PTGER3: variants seen among roughly 807,000 people sequenced by gnomAD.
PTGER3 encodes the protein prostaglandin E2 receptor EP3 subtype.
Under a neutral mutation model 34.7 loss-of-function variants are expected in PTGER3, and 22 were observed. That is an observed-to-expected ratio of 0.63 (90% confidence interval 0.45 to 0.91). The LOEUF (loss-of-function observed/expected upper bound fraction) is 0.91, where lower values mean the gene tolerates loss of function less well. Among genes scored for constraint, PTGER3 ranks in the 40% least tolerant of loss-of-function variants. The pLI, the probability that PTGER3 is intolerant of heterozygous loss-of-function variation, is 0.00. For missense variants in PTGER3, 468 were observed against 519.4 expected (o/e 0.90, Z 0.96); for synonymous variants, 241 against 230.1 (o/e 1.05, Z -0.43).
intron 4 of PTGER3, among the ~76,000 whole-genome samples, chr1:70,944,109 T>G (rs1164926994): frequency 2.6e-5 from 4 of 152,126 alleles, no homozygotes; most frequent in Non-Finnish European, 4.4e-5. Context: ...TTTTAATCAC[T>G]CAAGTCATTC....
chr1:70,884,048 C>A (rs1199728132), intron 4 of PTGER3: 2 of 399,324 alleles, frequency 5.0e-6, no homozygotes, highest in South Asian at 3.7e-5. Flanking sequence ...AATCACTCCA[C>A]TGCACTCCAG....
At chr1:70,895,554 T>G (rs1646706492) in intron 4 of PTGER3, among the ~76,000 whole-genome samples, 1 of 152,148 alleles carries the variant, frequency 6.6e-6, no homozygotes, top group Non-Finnish European at 1.5e-5. Context: ...AGAGCTGAAA[T>G]TCAGACTCCA....
chr1:70,869,192 C>A, intron 4 of PTGER3: 1 of 444,446 alleles, frequency 2.2e-6, no homozygotes, highest in Non-Finnish European at 4.6e-6. Context: ...TGTGTCGGGG[C>A]AGGGGTGGTA....
At chr1:70,956,282 G>A (rs1207075117) in intron 2 of PTGER3, among the ~76,000 whole-genome samples, 1 of 152,112 alleles carries the variant, frequency 6.6e-6, no homozygotes, top group Non-Finnish European at 1.5e-5. Flanking sequence ...TACCAGATTA[G>A]TATCAGCCAG....
At chr1:71,043,879 T>C (rs993441675) in intron 1 of PTGER3, among the ~76,000 whole-genome samples, 1 of 151,322 alleles carries the variant, frequency 6.6e-6, no homozygotes, top group African/African-American at 2.4e-5. Context: ...TGCAGTGGCG[T>C]GATCTCGGCT....
At chr1:70,975,350 C>T (rs1039744094) in intron 2 of PTGER3, among the ~76,000 whole-genome samples, 1 of 145,528 alleles carries the variant, frequency 6.9e-6, no homozygotes, top group Non-Finnish European at 1.5e-5. Context: ...GATGTCACAG[C>T]AGAAAAACGA....
chr1:71,003,393 A>G (rs144532585), intron 2 of PTGER3, among the ~76,000 whole-genome samples: 1 of 152,318 alleles, frequency 6.6e-6, no homozygotes, highest in East Asian at 1.9e-4. Flanking sequence ...ACATTTTTCC[A>G]GGGAGGTGGG....
rs555348965 is a variant in PTGER3, at chr1:71,004,988, G to T, written c.1077+7317C>A. Reference sequence around the variant, plus strand: ...TTGGGTACATAGCACCTGTTTAGTGGCCCTGGCCCTTGCTTTTAAGGAGTG... The same window carrying T: ...TTGGGTACATAGCACCTGTTTAGTGTCCCTGGCCCTTGCTTTTAAGGAGTG... On this transcript the variant is annotated intron_variant, in intron 2 of 3. Coordinates refer to ENST00000306666, the MANE Select transcript of PTGER3 (RefSeq NM_198719.2). Among the ~76,000 whole-genome samples, 52 of 152,322 alleles carry T rather than the reference G, an allele frequency of 3.4e-4. No individual in the cohort carries two copies. The South Asian group carries it at 0.011, about 31-fold the overall frequency.
chr1:71,011,470 T>G, intron 2 of PTGER3: 1 of 985,326 alleles, frequency 1.0e-6, no homozygotes, highest in Non-Finnish European at 1.2e-6. Flanking sequence ...AAAAACCACT[T>G]CACGACTCTC....
At chr1:70,935,361 G>A (rs898910904) in intron 4 of PTGER3, among the ~76,000 whole-genome samples, 2 of 151,846 alleles carry the variant, frequency 1.3e-5, no homozygotes, top group African/African-American at 4.8e-5. Context: ...CCTTCCTTCT[G>A]CCTACTCTTT....
intron 2 of PTGER3, among the ~76,000 whole-genome samples, chr1:70,955,135 G>C (rs892842858): frequency 6.6e-6 from 1 of 152,140 alleles, no homozygotes; most frequent in Middle Eastern, 3.2e-3. Context: ...TACAGAATTT[G>C]TAGCCAGACA....
chr1:71,018,408 T>C (rs544881922), intron 1 of PTGER3, among the ~76,000 whole-genome samples: 2 of 152,332 alleles, frequency 1.3e-5, no homozygotes, highest in East Asian at 3.9e-4. Context: ...GTCAATGTGT[T>C]TGACTAAAAG....
intron 4 of PTGER3, among the ~76,000 whole-genome samples, chr1:70,930,315 C>T (rs886271747): frequency 6.6e-6 from 1 of 152,178 alleles, no homozygotes; most frequent in Non-Finnish European, 1.5e-5. Context: ...CAAAAATTCC[C>T]TGCTGTTTTG....
At position 71,047,813 on chromosome 1, in the gene PTGER3, AG is replaced by A. The variant is rs1173675168; in HGVS notation, c.-237del. On this transcript the variant is annotated 5_prime_UTR_variant, in exon 1 of 4. Coordinates refer to ENST00000306666, the MANE Select transcript of PTGER3 (RefSeq NM_198719.2). ...CCTCTCTGGGAAACCTCTGGTGGCG[AG>A]GCGCGCGGAGGTGCCGAGTCCCCTT... 5.5e-6 allele frequency: 2 copies of A among 365,658 alleles called. No individual in the cohort carries two copies. The highest frequency in any genetic ancestry group is 2.1e-5 in the African/African-American group (1 of 46,868). The allele number at this position is 365,658 out of a possible 1,614,324, so 22.7% of individuals were successfully genotyped here. A position where few individuals can be genotyped will look rare whatever the true frequency, so the allele number is the denominator to read the frequency against.
intron 4 of PTGER3, among the ~76,000 whole-genome samples, chr1:70,928,315 A>G (rs1345297104): frequency 2.6e-5 from 4 of 151,428 alleles, no homozygotes; most frequent in Non-Finnish European, 5.9e-5. Context: ...TTGATTACAA[A>G]AAAAAAAAGT....
At chr1:70,925,680 A>G (rs1205370225) in intron 4 of PTGER3, among the ~76,000 whole-genome samples, 1 of 152,200 alleles carries the variant, frequency 6.6e-6, no homozygotes, top group African/African-American at 2.4e-5. Context: ...ATTTATAAAT[A>G]AATACATATG....
chr1:70,880,243 A>G (rs186447776), intron 4 of PTGER3, among the ~76,000 whole-genome samples: 1 of 152,042 alleles, frequency 6.6e-6, no homozygotes, highest in Non-Finnish European at 1.5e-5. Context: ...TCCTTTCCAT[A>G]TTTAGCACTC....
intron 2 of PTGER3, chr1:71,002,354 G>T (rs1429310249): frequency 1.3e-5 from 2 of 152,174 alleles, no homozygotes; most frequent in Non-Finnish European, 2.9e-5. Flanking sequence ...ACATTTAATG[G>T]ATTGTCAAGG....
At chr1:70,952,727 A>G (rs1650884393) in exon 4 of PTGER3, 2 of 1,269,528 alleles carry the variant, frequency 1.6e-6, no homozygotes, top group Non-Finnish European at 2.0e-6. Context: ...CAGTTTGTTC[A>G]GCTTTGCTAA....
Sources: allele counts gnomAD v4.1 joint callset (sites outside exome capture counted in the v4.1 genomes callset), GRCh38; gene constraint gnomAD v4.1.1; transcripts MANE v1.5; gene names NCBI Gene and HGNC (gene_info 2026-07-23, HGNC 2026-07-21).